Variants in GRID2 observed in about 807,000 individuals in gnomAD.
GRID2 encodes glutamate ionotropic receptor delta type subunit 2.
A neutral mutation model predicts 114.8 loss-of-function variants in GRID2; 33 were observed. The observed-to-expected ratio is 0.29, with a 90% CI of 0.22 to 0.38. The LOEUF (loss-of-function observed/expected upper bound fraction) is 0.38, where lower values mean the gene tolerates loss of function less well. GRID2 is among the 10% of genes least tolerant of loss of function. The pLI, the probability that GRID2 is intolerant of heterozygous loss-of-function variation, is 1.00. For synonymous variants in GRID2, 505 were observed against 449.9 expected (o/e 1.12, Z -1.55); for missense variants, 1,184 against 1,257.7 (o/e 0.94, Z 0.89).
At chr4:92,642,642 C>G (rs1731414244) in intron 2 of GRID2, among the ~76,000 whole-genome samples, 1 of 151,446 alleles carries the variant, frequency 6.6e-6, no homozygotes, top group African/African-American at 2.4e-5. Flanking sequence ...TTTTTAAATG[C>G]AGAAGCTCTT....
intron 8 of GRID2, among the ~76,000 whole-genome samples, chr4:93,347,825 C>T (rs1002680606): frequency 2.0e-5 from 3 of 151,940 alleles, no homozygotes; most frequent in African/African-American, 7.3e-5. Flanking sequence ...CTCCAGAGTA[C>T]GCAACTTAAA....
chr4:93,129,206 C>T (rs1396689551), intron 4 of GRID2, among the ~76,000 whole-genome samples: 1 of 152,186 alleles, frequency 6.6e-6, no homozygotes, highest in Non-Finnish European at 1.5e-5. Context: ...GCAATTAGTA[C>T]ATCTACTTAA....
chr4:92,355,217 T>C (rs1352364124), intron 1 of GRID2, among the ~76,000 whole-genome samples: 1 of 151,934 alleles, frequency 6.6e-6, no homozygotes, highest in African/African-American at 2.4e-5. Context: ...ATTACGTATG[T>C]AGTTTCTAAA....
At chr4:92,796,055 AT>A (rs949325787) in intron 2 of GRID2, among the ~76,000 whole-genome samples, 3 of 151,884 alleles carry the variant, frequency 2.0e-5, no homozygotes, top group Non-Finnish European at 4.4e-5. Context: ...GGAATTATGG[AT>A]TTTTTTATAA....
chr4:93,099,935 G>T (rs1731556644), intron 3 of GRID2, among the ~76,000 whole-genome samples: 1 of 151,854 alleles, frequency 6.6e-6, no homozygotes, highest in Non-Finnish European at 1.5e-5. Flanking sequence ...ATTACCCAGA[G>T]AGTGTTTTCA....
intron 1 of GRID2, among the ~76,000 whole-genome samples, chr4:92,574,046 T>C (rs1039572190): frequency 1.3e-5 from 2 of 152,200 alleles, no homozygotes; most frequent in Admixed American, 6.5e-5. Flanking sequence ...ATTGAACCCT[T>C]TACCTTTAGG....
rs1431732641 is a variant in GRID2 at position 93,344,620 on chromosome 4, AATAT to A, written c.1246-50982_1246-50979del. ...AATTTCTAATTTTTGCAATATATTA[AATAT>A]ATATTTTATATTGTATATATTTAAT... On this transcript the variant is annotated intron_variant, in intron 8 of 15. Coordinates refer to ENST00000282020, the MANE Select transcript of GRID2 (RefSeq NM_001510.4). Among the ~76,000 whole-genome samples the A allele has an allele frequency of 4.0e-5, 6 of 148,314 alleles. No homozygotes were observed. In the East Asian group the frequency reaches 5.8e-4, roughly 14 times the overall value.
intron 2 of GRID2, among the ~76,000 whole-genome samples, chr4:92,651,081 A>G (rs756138615): frequency 6.6e-6 from 1 of 152,090 alleles, no homozygotes; most frequent in Non-Finnish European, 1.5e-5. Context: ...TGCTGTGTAG[A>G]ATATCATAAC....
intron 8 of GRID2, among the ~76,000 whole-genome samples, chr4:93,251,404 C>A (rs759504881): frequency 1.3e-5 from 2 of 152,098 alleles, no homozygotes; most frequent in South Asian, 4.1e-4. Flanking sequence ...CAGATATGAT[C>A]TATAACACTA....
At chr4:92,571,743 T>C (rs1727633985) in intron 1 of GRID2, among the ~76,000 whole-genome samples, 1 of 151,726 alleles carries the variant, frequency 6.6e-6, no homozygotes, top group South Asian at 2.1e-4. Context: ...TCAAAACCAC[T>C]CAACTACATG....
chr4:92,718,685 C>G (rs1735663427), intron 2 of GRID2, among the ~76,000 whole-genome samples: 2 of 148,738 alleles, frequency 1.3e-5, no homozygotes, highest in South Asian at 2.1e-4. Flanking sequence ...ATTGCTTGAA[C>G]CCAGGTGATT....
intron 11 of GRID2, among the ~76,000 whole-genome samples, chr4:93,464,008 A>G (rs1254404249): frequency 6.6e-6 from 1 of 152,176 alleles, no homozygotes; most frequent in African/African-American, 2.4e-5. Flanking sequence ...AACAAAAACA[A>G]GCAGGTGCTA....
chr4:93,668,824 GAT>G (rs1191145990), intron 14 of GRID2, among the ~76,000 whole-genome samples: 1 of 151,988 alleles, frequency 6.6e-6, no homozygotes, highest in Non-Finnish European at 1.5e-5. Context: ...TGTGGAGAAA[GAT>G]ATGTGCTATA....
chr4:92,988,192 GA>G (rs1173176394), intron 2 of GRID2, among the ~76,000 whole-genome samples: 1 of 152,072 alleles, frequency 6.6e-6, no homozygotes, highest in Non-Finnish European at 1.5e-5. Flanking sequence ...GTTCATTACA[GA>G]AGCTATAATC....
intron 14 of GRID2, among the ~76,000 whole-genome samples, chr4:93,737,832 T>C (rs759739971): frequency 9.9e-5 from 15 of 152,144 alleles, no homozygotes; most frequent in Non-Finnish European, 1.8e-4. Flanking sequence ...TCACACCTAA[T>C]TGATAAAATT....
chr4:93,161,632 C>T (rs1737689939), intron 4 of GRID2, among the ~76,000 whole-genome samples: 2 of 151,674 alleles, frequency 1.3e-5, no homozygotes, highest in African/African-American at 4.8e-5. Context: ...AGATTAAGCA[C>T]CAGACTCAAC....
At position 92,702,859 on chromosome 4, in the gene GRID2, T is replaced by C. The variant is rs1387166294; in HGVS notation, c.244+112573T>C. On this transcript the variant is annotated intron_variant, in intron 2 of 15. Coordinates refer to ENST00000282020, the MANE Select transcript of GRID2 (RefSeq NM_001510.4). ...TTCTACAAATTGGTAAGAAGGAGTC[T>C]TTTCTAGTCATCTAAAATTCAAGTA... Among the ~76,000 whole-genome samples the C allele has an allele frequency of 2.6e-5, 4 of 152,150 alleles. No individual in the cohort carries two copies. The East Asian group carries it at 5.8e-4, about 22-fold the overall frequency.
intron 2 of GRID2, among the ~76,000 whole-genome samples, chr4:92,927,458 G>C (rs1749895967): frequency 1.3e-5 from 2 of 151,586 alleles, no homozygotes; most frequent in South Asian, 4.2e-4. Flanking sequence ...ATTCCCACAG[G>C]GTAGCACAAA....
In GRID2 at chr4:93,455,896, C is replaced by T. The variant is rs1723143507; in HGVS notation, c.1780C>T (p.Arg594Ter). The T allele has an allele frequency of 1.2e-6, 2 of 1,610,192 alleles. No individual in the cohort carries two copies. Among genetic ancestry groups the T allele is most frequent in the Non-Finnish European group, 1.7e-6 (2 of 1,176,524 alleles). Residue 594 changes from arginine (R) to a stop codon, truncating the protein, a stop_gained, in exon 11 of 16, where the codon CGA becomes TGA. Coordinates refer to ENST00000282020, the MANE Select transcript of GRID2 (RefSeq NM_001510.4). LOFTEE classifies it high-confidence loss of function. The part of the protein sequence containing the change: ...VYLLNWLNPP[R>*]LQMGSMTSTT... ...CCTCTTGAACTGGCTTAATCCCCCA[C>T]GATTACAAATGGGATCAATGACGTC...
Sources: allele counts gnomAD v4.1 joint callset (sites outside exome capture counted in the v4.1 genomes callset), GRCh38; gene constraint gnomAD v4.1.1; transcripts MANE v1.5; gene names NCBI Gene and HGNC (gene_info 2026-07-23, HGNC 2026-07-21).